The following AFG2A variants were observed in gnomAD, a reference collection of about 807,000 sequenced individuals.
AFG2A encodes ATPase family gene 2 protein homolog A.
At chr4:122,927,866 G>T in the AFG2A span, 1 of 1,427,070 alleles carries the variant, frequency 7.0e-7, no homozygotes, top group South Asian at 1.3e-5. Flanking sequence ...CAAAGGAAAT[G>T]CTCATTGGAA....
At chr4:123,179,722 T>C in the AFG2A span, among the ~76,000 whole-genome samples, 1 of 152,166 alleles carries the variant, frequency 6.6e-6, no homozygotes, top group Admixed American at 6.5e-5. Flanking sequence ...CGATAGAACT[T>C]GATGTGGTTT....
the AFG2A span, among the ~76,000 whole-genome samples, chr4:123,295,595 C>T: frequency 6.6e-6 from 1 of 152,260 alleles, no homozygotes; most frequent in Non-Finnish European, 1.5e-5. Context: ...CGCCGTGGCT[C>T]ACGCCTGTAA....
chr4:123,007,685 A>G, the AFG2A span, among the ~76,000 whole-genome samples: 2 of 143,406 alleles, frequency 1.4e-5, no homozygotes, highest in East Asian at 2.1e-4. Context: ...ACCTTCTGCA[A>G]ATTTTAAAGG....
the AFG2A span, among the ~76,000 whole-genome samples, chr4:123,067,432 G>A: frequency 1.3e-5 from 2 of 151,884 alleles, no homozygotes; most frequent in African/African-American, 4.8e-5. Flanking sequence ...CAGGGGAATC[G>A]CTTGAACCCG....
At chr4:123,055,531 T>A in the AFG2A span, among the ~76,000 whole-genome samples, 1,845 of 152,326 alleles carry the variant, frequency 0.012, 43 homozygotes, top group African/African-American at 0.041. Context: ...GGGTTTGCCT[T>A]TGTGTTTCAG....
the AFG2A span, among the ~76,000 whole-genome samples, chr4:123,227,938 T>C: frequency 6.6e-6 from 1 of 152,182 alleles, no homozygotes; most frequent in Non-Finnish European, 1.5e-5. Flanking sequence ...GCTCTTCTTG[T>C]TGAATTGATC....
the AFG2A span, among the ~76,000 whole-genome samples, chr4:123,097,220 T>TA: frequency 1.3e-5 from 2 of 152,206 alleles, no homozygotes; most frequent in African/African-American, 4.8e-5. Flanking sequence ...AAAAGCTAAA[T>TA]ATACGTATCT....
At chr4:123,276,365 T>C in the AFG2A span, among the ~76,000 whole-genome samples, 2 of 152,182 alleles carry the variant, frequency 1.3e-5, no homozygotes, top group Non-Finnish European at 2.9e-5. Flanking sequence ...AAGTTCCTTA[T>C]AGATTCTGGA....
chr4:122,945,378 C>T, the AFG2A span, among the ~76,000 whole-genome samples: 28 of 152,342 alleles, frequency 1.8e-4, no homozygotes, highest in South Asian at 1.9e-3. Context: ...CTCACTGCCG[C>T]CTTGCAGTTT....
At chr4:122,956,172 C>T in the AFG2A span, among the ~76,000 whole-genome samples, 3 of 152,124 alleles carry the variant, frequency 2.0e-5, no homozygotes, top group Admixed American at 2.0e-4. Context: ...TGATAAACTA[C>T]TCATAAAAAT....
At chr4:123,164,470 T>G in the AFG2A span, among the ~76,000 whole-genome samples, 3 of 152,156 alleles carry the variant, frequency 2.0e-5, no homozygotes, top group Admixed American at 6.5e-5. Flanking sequence ...TTCAAGTGAT[T>G]CTCCTGCCTC....
chr4:122,944,401 G>A, the AFG2A span, among the ~76,000 whole-genome samples: 1 of 151,994 alleles, frequency 6.6e-6, no homozygotes, highest in East Asian at 1.9e-4. Flanking sequence ...TTCCATCACT[G>A]ATACCCTTTC....
chr4:122,962,008 G>T, the AFG2A span, among the ~76,000 whole-genome samples: 1 of 152,232 alleles, frequency 6.6e-6, no homozygotes, highest in African/African-American at 2.4e-5. Context: ...AGAGGGTGGG[G>T]ATGATATCCG....
At chr4:123,023,102 G>A in the AFG2A span, among the ~76,000 whole-genome samples, 2 of 151,132 alleles carry the variant, frequency 1.3e-5, no homozygotes, top group African/African-American at 4.9e-5. Flanking sequence ...GAGTTAATGG[G>A]TGCAGCACAC....
chr4:122,987,952 TTGA>T, the AFG2A span, among the ~76,000 whole-genome samples: 1 of 152,196 alleles, frequency 6.6e-6, no homozygotes, highest in Non-Finnish European at 1.5e-5. Flanking sequence ...TCATTTTAAC[TTGA>T]TGAACTGGCT....
At chr4:123,218,176 C>T in the AFG2A span, among the ~76,000 whole-genome samples, 1 of 152,100 alleles carries the variant, frequency 6.6e-6, no homozygotes, top group Non-Finnish European at 1.5e-5. Context: ...GTGTGGTTGT[C>T]AAGTATGCTA....
the AFG2A span, among the ~76,000 whole-genome samples, chr4:122,964,791 T>C: frequency 3.3e-5 from 5 of 152,312 alleles, no homozygotes; most frequent in South Asian, 1.0e-3. Context: ...TCACTTATAA[T>C]ATAAATAAGG....
At chr4:123,130,561 C>T in the AFG2A span, among the ~76,000 whole-genome samples, 5,572 of 152,132 alleles carry the variant, frequency 0.037, 339 homozygotes, top group African/African-American at 0.13. Context: ...CACATGTTTT[C>T]GAGATTCGTC....
chr4:123,093,329 AG>A, the AFG2A span, among the ~76,000 whole-genome samples: 399 of 152,308 alleles, frequency 2.6e-3, no homozygotes, highest in African/African-American at 8.9e-3. Flanking sequence ...TGCAAATTAA[AG>A]GGTGAGTTAA....
Sources: gnomAD v4.1 joint callset for allele counts (sites outside exome capture counted in the v4.1 genomes callset) on GRCh38, gnomAD v4.1.1 for gene constraint, MANE v1.5 for transcripts, NCBI Gene and HGNC (gene_info 2026-07-23, HGNC 2026-07-21) for gene names.